Variants in GPR171 observed in about 807,000 individuals in gnomAD.
The protein encoded by GPR171 is G protein-coupled receptor 171.
A neutral mutation model predicts 16.7 loss-of-function variants in GPR171; 14 were observed. That is an observed-to-expected ratio of 0.84 (90% confidence interval 0.55 to 1.31). The LOEUF is 1.31. Among genes scored for constraint, GPR171 ranks in the 40% most tolerant of loss-of-function variants. The pLI is 0.00. For missense variants in GPR171, 337 were observed against 378.9 expected (o/e 0.89, Z 0.92); for synonymous variants, 134 against 135.6 (o/e 0.99, Z 0.08).
Position 151,198,332 on chromosome 3 carries a change from G to GTT in GPR171, c.*93_*94dup, listed in dbSNP as rs1176157292. On this transcript the variant is annotated 3_prime_UTR_variant, in exon 3 of 3. Transcript: ENST00000309180. The stretch of plus-strand genomic sequence containing the variant: ...AGCTAACTGTATTTTTTCATACTGA[G>GTT]TTTTTTTTTGTTTTTTTTTTTTTTA... The GTT allele has an allele frequency of 3.5e-4, 304 of 866,438 alleles. 3 individuals are homozygous for GTT. Among genetic ancestry groups the GTT allele is most frequent in the Non-Finnish European group, 4.0e-4 (248 of 618,206 alleles). 53.7% of individuals were successfully genotyped at this position (866,438 alleles called of 1,614,324 possible).
intron 1 of GPR171, among the ~76,000 whole-genome samples, chr3:151,202,030 A>T (rs1356237117): frequency 6.6e-6 from 1 of 152,264 alleles, no homozygotes; most frequent in Non-Finnish European, 1.5e-5. Flanking sequence ...CTGACGATAT[A>T]TACCGTACAT....
chr3:151,199,424 A>C lies in GPR171; in HGVS notation c.-38T>G. 6.5e-7 allele frequency: 1 copy of C among 1,534,454 alleles called. No homozygotes were observed. The highest frequency in any genetic ancestry group is 8.7e-7 in the Non-Finnish European group (1 of 1,144,304). On this transcript the variant is annotated 5_prime_UTR_variant, in exon 3 of 3. Transcript: ENST00000309180. Reference sequence around the variant, plus strand: ...TAAGGATGACTGCTTATTGAAAAGAAAAAATTTCTAAGACTCTGTAAAAGA... The same window carrying C: ...TAAGGATGACTGCTTATTGAAAAGACAAAATTTCTAAGACTCTGTAAAAGA...
Position 151,198,491 on chromosome 3 carries a change from G to A in GPR171, c.896C>T (p.Thr299Ile). ...SKAFRSKVTETFASPKETKAQ... is the reference protein window; with the variant it reads ...SKAFRSKVTEIFASPKETKAQ... ...CTTGGTCTCTTTAGGTGAGGCAAAA[G>A]TCTCAGTGACCTTTGAGCGGAATGC... is the stretch of plus-strand genomic sequence containing the variant. The change falls in exon 3 of 3, where the codon ACT (threonine) becomes ATT (isoleucine). Residue 299 changes from threonine (T) to isoleucine (I), a missense_variant. Physicochemically the swap from Thr to Ile is moderately conservative, Grantham distance 89. Coordinates refer to ENST00000309180, the MANE Select transcript of GPR171 (RefSeq NM_013308.4). The A allele has an allele frequency of 1.2e-6, 2 of 1,613,330 alleles. No homozygotes were observed. The highest frequency in any genetic ancestry group is 1.7e-6 in the Non-Finnish European group (2 of 1,179,326).
At chr3:151,199,869 A>C (rs1038116523) in intron 2 of GPR171, among the ~76,000 whole-genome samples, 4 of 152,014 alleles carry the variant, frequency 2.6e-5, no homozygotes, top group South Asian at 2.1e-4. Flanking sequence ...CCATAGATTC[A>C]TGTGGCTCCT....
Position 151,198,825 on chromosome 3 carries a change from A to G in GPR171, c.562T>C (p.Phe188Leu). 1 of 1,613,536 alleles carries G rather than the reference A, an allele frequency of 6.2e-7. No individual in the cohort carries two copies. ...AAAATGATGGCTGAGAAATTTAAAA[A>G]TATTGCTACACATATGAAATTTGTC... is the stretch of plus-strand genomic sequence containing the variant. ...LLTNFICVAI[F>L]LNFSAIILIS... Residue 188 changes from phenylalanine to leucine, a missense_variant, in exon 3 of 3, where the codon TTT becomes CTT. By Grantham distance (22) the Phe-to-Leu change is conservative (BLOSUM62 0). Transcript: ENST00000309180.
intron 2 of GPR171, among the ~76,000 whole-genome samples, 189 bp downstream of exon 2, chr3:151,200,720 G>A (rs904119400): frequency 6.6e-6 from 1 of 152,230 alleles, no homozygotes; most frequent in African/African-American, 2.4e-5. Flanking sequence ...GAGTTAGCAC[G>A]TTAGAGTCCA....
At chr3:151,200,515 T>C (rs1469318826) in intron 2 of GPR171, among the ~76,000 whole-genome samples, 1 of 152,262 alleles carries the variant, frequency 6.6e-6, no homozygotes, top group Admixed American at 6.5e-5. Flanking sequence ...TCAGCTACTC[T>C]GTAAGTGCCT....
rs1308071151 is a variant in GPR171 at position 151,199,241 on chromosome 3, A to G, written c.146T>C (p.Val49Ala). 1 of 1,614,062 alleles carries G rather than the reference A, an allele frequency of 6.2e-7. No homozygotes were observed. The highest frequency in any genetic ancestry group is 1.7e-5 in the Admixed American group (1 of 60,028). ...FIQKNTNHRC[V>A]SIYLINLLTA... ...AAGCAAATTAATTAAGTAGATGCTC[A>G]CACACCTGTGATTCGTATTCTTCTG... is the stretch of plus-strand genomic sequence containing the variant. The change falls in exon 3 of 3, where the codon GTG becomes GCG. Residue 49 changes from valine to alanine, a missense_variant. Physicochemically the swap from Val to Ala is moderately conservative, Grantham distance 64 (BLOSUM62 0). Coordinates refer to ENST00000309180, the MANE Select transcript of GPR171 (RefSeq NM_013308.4).
Position 151,198,861 on chromosome 3 carries a change from A to C in GPR171, c.526T>G (p.Trp176Gly). Reference protein sequence around the residue: ...MEFKKEFGRNWHLLTNFICVA... With the variant: ...MEFKKEFGRNGHLLTNFICVA... Reference sequence around the variant, plus strand: ...CATATGAAATTTGTCAGCAAATGCCAATTTCTTCCAAATTCCTTTTTAAAC... The same window carrying C: ...CATATGAAATTTGTCAGCAAATGCCCATTTCTTCCAAATTCCTTTTTAAAC... The change falls in exon 3 of 3, where the codon TGG (tryptophan) becomes GGG (glycine). Residue 176 changes from tryptophan (W) to glycine (G), a missense_variant. Trp to Gly is a radical substitution (Grantham distance 184). Transcript: ENST00000309180. The C allele has an allele frequency of 6.2e-7, 1 of 1,614,074 alleles. No individual in the cohort carries two copies. The highest frequency in any genetic ancestry group is 8.5e-7 in the Non-Finnish European group (1 of 1,179,920).
intron 1 of GPR171, among the ~76,000 whole-genome samples, chr3:151,202,601 T>G (rs1725774464): frequency 6.6e-6 from 1 of 152,196 alleles, no homozygotes; most frequent in African/African-American, 2.4e-5. Context: ...ACCCGGGATG[T>G]GGAGGTTGAA....
chr3:151,202,371 T>C (rs1461380111), intron 1 of GPR171, among the ~76,000 whole-genome samples: 1 of 152,180 alleles, frequency 6.6e-6, no homozygotes, highest in Non-Finnish European at 1.5e-5. Context: ...TGCCCATTGC[T>C]TAGAAAATAA....
At chr3:151,201,979 TTAGAG>T (rs1390846316) in intron 1 of GPR171, among the ~76,000 whole-genome samples, 1 of 152,218 alleles carries the variant, frequency 6.6e-6, no homozygotes, top group Non-Finnish European at 1.5e-5. Context: ...AAGAGAAGAA[TTAGAG>T]TAATTTATTT....
At chr3:151,202,624 C>T (rs920384947) in intron 1 of GPR171, among the ~76,000 whole-genome samples, 3 of 152,116 alleles carry the variant, frequency 2.0e-5, no homozygotes, top group East Asian at 1.9e-4. Flanking sequence ...GAGCTGAGAT[C>T]GCACCACTGC....
In GPR171 at chr3:151,199,075, G is replaced by T; in HGVS notation, c.312C>A (p.Phe104Leu). 6.2e-7 allele frequency: 1 copy of T among 1,613,904 alleles called. No individual in the cohort carries two copies. The highest frequency in any genetic ancestry group is 8.5e-7 in the Non-Finnish European group (1 of 1,179,790). The part of the protein sequence containing the change: ...IYINMYLSII[F>L]LAFVSIDRCL... ...AGCGGTCAATGCTGACAAATGCTAA[G>T]AAGATAATTGATAAATACATATTGA... Residue 104 changes from phenylalanine (F) to leucine (L), a missense_variant, in exon 3 of 3, where the codon TTC becomes TTA. By Grantham distance (22) the Phe-to-Leu change is conservative (BLOSUM62 0). Transcript: ENST00000309180.
At chr3:151,199,756 C>A (rs1365141246) in intron 2 of GPR171, among the ~76,000 whole-genome samples, 2 of 151,994 alleles carry the variant, frequency 1.3e-5, no homozygotes, top group African/African-American at 4.8e-5. Flanking sequence ...GATAAGTGAA[C>A]CGAGATTCTG....
rs1725149390 is a variant in GPR171, at chr3:151,199,189, T to C, written c.198A>G (p.Ala66=). ...LLTADFLLTL[A]LPVKIVVDLG... is the part of the protein sequence containing the mutation. ...AGTCAACAACAATTTTCACTGGTAA[T>C]GCCAGAGTAAGCAGGAAATCGGCTG... Residue 66 remains alanine, a synonymous_variant, in exon 3 of 3, where the codon GCA becomes GCG. Transcript: ENST00000309180. The C allele has an allele frequency of 1.2e-6, 2 of 1,614,144 alleles. No homozygotes were observed. The highest frequency in any genetic ancestry group is 1.7e-6 in the Non-Finnish European group (2 of 1,179,988).
In GPR171 at chr3:151,198,829, T is replaced by C; in HGVS notation, c.558A>G (p.Ala186=). The C allele has an allele frequency of 6.2e-7, 1 of 1,613,416 alleles. No individual in the cohort carries two copies. The highest frequency in any genetic ancestry group is 2.2e-5 in the East Asian group (1 of 44,872). Residue 186 remains alanine, a synonymous_variant, in exon 3 of 3, where the codon GCA becomes GCG. Transcript: ENST00000309180. The stretch of plus-strand genomic sequence containing the variant: ...TGATGGCTGAGAAATTTAAAAATAT[T>C]GCTACACATATGAAATTTGTCAGCA... The part of the protein sequence containing the change: ...WHLLTNFICV[A]IFLNFSAIIL...
chr3:151,201,880 A>G (rs1304774189), intron 1 of GPR171, among the ~76,000 whole-genome samples: 8 of 152,360 alleles, frequency 5.3e-5, no homozygotes, highest in Non-Finnish European at 5.9e-5. Context: ...ATATTACATA[A>G]TAATGGTAAC....
At chr3:151,199,923 T>G (rs1001870958) in intron 2 of GPR171, among the ~76,000 whole-genome samples, 1 of 151,888 alleles carries the variant, frequency 6.6e-6, no homozygotes, top group Non-Finnish European at 1.5e-5. Flanking sequence ...AAGGAGTTGA[T>G]GGAAAATCTC....
Sources: allele counts gnomAD v4.1 joint callset (sites outside exome capture counted in the v4.1 genomes callset), GRCh38; gene constraint gnomAD v4.1.1; transcripts MANE v1.5; gene names NCBI Gene and HGNC (gene_info 2026-07-23, HGNC 2026-07-21).